Variants in ANO3 observed in about 807,000 individuals in gnomAD.
ANO3 encodes anoctamin-3.
ANO3 carries 99 observed loss-of-function variants against 144.8 expected under a neutral mutation model. The ratio of observed to expected loss-of-function variants is 0.68; its 90% CI spans 0.58 to 0.81. ANO3 has a LOEUF of 0.81. Among genes scored for constraint, ANO3 ranks in the 30% least tolerant of loss-of-function variants. The pLI, the probability that ANO3 is intolerant of heterozygous loss-of-function variation, is 0.00. For missense variants in ANO3, 905 were observed against 1,202.2 expected, an observed-to-expected ratio of 0.75 and a Z score of 3.66; for synonymous variants, 414 against 392.6, an observed-to-expected ratio of 1.05 and a Z score of -0.64.
At chr11:26,470,484 C>T (rs1859741774) in intron 4 of ANO3, among the ~76,000 whole-genome samples, 1 of 150,994 alleles carries the variant, frequency 6.6e-6, no homozygotes, top group African/African-American at 2.4e-5. Context: ...ATGTTTCTCA[C>T]ATTGTAATTT....
intron 1 of ANO3, among the ~76,000 whole-genome samples, chr11:26,303,213 A>C (rs1854277712): frequency 6.6e-6 from 1 of 152,200 alleles, no homozygotes; most frequent in South Asian, 2.1e-4. Context: ...AAGGAAAATA[A>C]ATCGTTCTGC....
intron 1 of ANO3, among the ~76,000 whole-genome samples, chr11:26,339,604 C>T (rs1855298922): frequency 6.6e-6 from 1 of 152,198 alleles, no homozygotes; most frequent in African/African-American, 2.4e-5. Context: ...CCTTGCTCTA[C>T]ACCTTTTCCA....
In ANO3 at chr11:26,198,929, T is replaced by G. The variant is rs143516214; in HGVS notation, c.154+9599T>G. Among the ~76,000 whole-genome samples, 404 of 152,280 alleles carry G rather than the reference T, an allele frequency of 2.7e-3. 2 individuals are homozygous for G. The highest frequency in any genetic ancestry group is 0.014 in the Middle Eastern group (4 of 294). On this transcript the variant is annotated intron_variant, in intron 1 of 27. Transcript: ENST00000672621. ...TCAGTGACAGATGTGATAATGAATT[T>G]CCAGTTTTTGTGGATGGCAGCAAGA...
intron 1 of ANO3, among the ~76,000 whole-genome samples, chr11:26,274,390 G>T (rs1316419603): frequency 6.6e-6 from 1 of 151,944 alleles, no homozygotes; most frequent in African/African-American, 2.4e-5. Flanking sequence ...ACTTATGTGT[G>T]TATGTTTATG....
At chr11:26,489,979 G>T (rs747089948) in intron 4 of ANO3, among the ~76,000 whole-genome samples, 1 of 152,192 alleles carries the variant, frequency 6.6e-6, no homozygotes, top group Non-Finnish European at 1.5e-5. Context: ...GGACTGAGGG[G>T]AAGGCATGAT....
chr11:26,414,758 T>TAAAA (rs971800105), intron 1 of ANO3, among the ~76,000 whole-genome samples: 1 of 140,010 alleles, frequency 7.1e-6, no homozygotes, highest in African/African-American at 2.6e-5. Flanking sequence ...ACAGTAAAGT[T>TAAAA]AAAAAAAAAA....
intron 21 of ANO3, among the ~76,000 whole-genome samples, chr11:26,639,675 G>A (rs1853082615): frequency 6.6e-6 from 1 of 152,174 alleles, no homozygotes; most frequent in Admixed American, 6.5e-5. Flanking sequence ...AATCCTGGAT[G>A]AGAAGCTTTG....
rs757182288 is a variant in ANO3, at chr11:26,641,941, A to G, written c.2187A>G (p.Ile729Met). The change falls in exon 22 of 27, where the codon ATA (isoleucine) becomes ATG (methionine). Residue 729 changes from isoleucine to methionine, a missense_variant. Physicochemically the swap from Ile to Met is conservative, Grantham distance 10. Coordinates refer to ENST00000256737, the MANE Select transcript of ANO3 (RefSeq NM_031418.4). ...CACGACATAAAATCAAGCGGGGAAT[A>G]CATGATGCTTCCATACCTCAGTGGG... ...WWSRHKIKRGIHDASIPQWEN... is the reference protein window; with the variant it reads ...WWSRHKIKRGMHDASIPQWEN... The G allele has an allele frequency of 2.5e-6, 4 of 1,614,058 alleles. 1 individual carries two copies. The highest frequency in any genetic ancestry group is 1.7e-6 in the Non-Finnish European group (2 of 1,179,980).
At chr11:26,526,634 C>A (rs1308661995) in intron 7 of ANO3, among the ~76,000 whole-genome samples, 3 of 151,826 alleles carry the variant, frequency 2.0e-5, no homozygotes, top group Non-Finnish European at 4.4e-5. Context: ...GGAAAATGTC[C>A]ATCTGTTTTA....
chr11:26,525,002 A>G (rs542423692), intron 6 of ANO3, among the ~76,000 whole-genome samples: 2 of 152,160 alleles, frequency 1.3e-5, no homozygotes, highest in Non-Finnish European at 2.9e-5. Context: ...AATACAGGTG[A>G]CATATCCTCT....
At chr11:26,342,806 C>T (rs966401748) in intron 1 of ANO3, among the ~76,000 whole-genome samples, 6 of 152,132 alleles carry the variant, frequency 3.9e-5, no homozygotes, top group African/African-American at 1.4e-4. Flanking sequence ...TTCACCATTT[C>T]ACACTTTTAT....
intron 1 of ANO3, among the ~76,000 whole-genome samples, chr11:26,235,352 T>C (rs1465605143): frequency 6.6e-6 from 1 of 152,210 alleles, no homozygotes; most frequent in African/African-American, 2.4e-5. Flanking sequence ...TTACTATTGA[T>C]ACAATTCCAT....
chr11:26,204,194 C>T (rs1851752699), intron 1 of ANO3, among the ~76,000 whole-genome samples: 2 of 152,234 alleles, frequency 1.3e-5, no homozygotes, highest in South Asian at 4.1e-4. Flanking sequence ...GCTGCTTACA[C>T]TCAGAACTTG....
At chr11:26,438,101 A>G (rs1858358068) in intron 1 of ANO3, among the ~76,000 whole-genome samples, 1 of 152,196 alleles carries the variant, frequency 6.6e-6, no homozygotes, top group Non-Finnish European at 1.5e-5. Flanking sequence ...TTTATACCTC[A>G]GTGCTAAAGC....
chr11:26,480,672 G>A (rs1268400744), intron 4 of ANO3, among the ~76,000 whole-genome samples: 2 of 152,012 alleles, frequency 1.3e-5, no homozygotes, highest in African/African-American at 4.8e-5. Flanking sequence ...GCCAGGCGTG[G>A]TGGCTCGTAC....
At chr11:26,632,569 A>G (rs934099345) in intron 18 of ANO3, among the ~76,000 whole-genome samples, 4 of 145,666 alleles carry the variant, frequency 2.7e-5, no homozygotes, top group African/African-American at 1.0e-4. Context: ...TAAATATATA[A>G]AAAATATACG....
chr11:26,337,896 C>A (rs1333599729), intron 1 of ANO3, among the ~76,000 whole-genome samples: 1 of 152,014 alleles, frequency 6.6e-6, no homozygotes, highest in Non-Finnish European at 1.5e-5. Flanking sequence ...GATTGCACCA[C>A]TGCACTTCAG....
At chr11:26,332,467 T>G (rs1436057260) in intron 1 of ANO3, 146 bp downstream of exon 1, 3 of 716,190 alleles carry the variant, frequency 4.2e-6, no homozygotes, top group Non-Finnish European at 6.9e-6. Flanking sequence ...AAAATTAAAT[T>G]CCTCTTCACT....
At chr11:26,389,292 C>T (rs1039998255) in intron 1 of ANO3, among the ~76,000 whole-genome samples, 5 of 152,076 alleles carry the variant, frequency 3.3e-5, no homozygotes, top group South Asian at 2.1e-4. Flanking sequence ...ACTACTGTCT[C>T]TCTGATCTTG....
Sources: allele counts gnomAD v4.1 joint callset (sites outside exome capture counted in the v4.1 genomes callset), GRCh38; gene constraint gnomAD v4.1.1; transcripts MANE v1.5; gene names NCBI Gene and HGNC (gene_info 2026-07-23, HGNC 2026-07-21).